The following MAP7D3 variants were observed in gnomAD, a reference collection of about 807,000 sequenced individuals.
The protein encoded by MAP7D3 is MAP7 domain containing 3, also known as MAP7 domain-containing protein 3.
MAP7D3 carries 45 observed loss-of-function variants against 62.2 expected under a neutral mutation model. That is an observed-to-expected ratio of 0.72 (90% CI 0.57 to 0.93). The LOEUF (loss-of-function observed/expected upper bound fraction) is 0.93. Ranked by LOEUF, MAP7D3 falls within the 40% of genes least tolerant of loss-of-function variation. The pLI is 0.00. For synonymous variants in MAP7D3, 288 were observed against 248.8 expected (o/e 1.16, Z -1.48); for missense variants, 711 against 683.1 (o/e 1.04, Z -0.45).
chrX:136,222,552 A>G, intron 14 of MAP7D3, 66 bp from the exon 15 acceptor site: 1 of 914,642 alleles, frequency 1.1e-6, no homozygotes, highest in Non-Finnish European at 1.6e-6. Flanking sequence ...GAATTTCAAC[A>G]AAGTCTGACT....
chrX:136,232,105 T>C lies in MAP7D3; in HGVS notation c.852A>G (p.Gln284=). The stretch of plus-strand genomic sequence containing the variant: ...CCAAGGGAGACTCTTCTACTTTTGT[T>C]TGAGGAGGTATTTTCATTGTCGACA... ...FPMSTMKIPP[Q]TKVEESPLEK... Residue 284 remains glutamine, a synonymous_variant, in exon 8 of 19, where the codon CAA becomes CAG. Coordinates refer to ENST00000316077, the MANE Select transcript of MAP7D3 (RefSeq NM_024597.4). 2 of 1,209,487 alleles carry C rather than the reference T, an allele frequency of 1.7e-6. No homozygotes were observed. Among genetic ancestry groups the C allele is most frequent in the Non-Finnish European group, 2.2e-6 (2 of 893,442 alleles).
chrX:136,234,030 G>C, intron 7 of MAP7D3, among the ~76,000 whole-genome samples: 1 of 110,883 alleles, frequency 9.0e-6, no homozygotes, highest in African/African-American at 3.3e-5. Context: ...ACATAATTGG[G>C]CATAAAAAAG....
upstream of MAP7D3, chrX:136,251,575 G>A: frequency 1.2e-6 from 1 of 818,987 alleles, no homozygotes; most frequent in Non-Finnish European, 1.5e-6. Context: ...GCGACTACCT[G>A]GTCTAAAGAA....
At chrX:136,245,656 A>C (rs1464149737) in intron 3 of MAP7D3, among the ~76,000 whole-genome samples, 1 of 110,402 alleles carries the variant, frequency 9.1e-6, no homozygotes, top group African/African-American at 3.3e-5. Context: ...CTGAGGCAGG[A>C]GAATGGCATG....
In MAP7D3 at chrX:136,251,344, G is replaced by A. The variant is rs1369021130; in HGVS notation, c.15C>T (p.Gly5=). 2.7e-6 allele frequency: 3 copies of A among 1,124,220 alleles called. No homozygotes were observed. Among genetic ancestry groups the A allele is most frequent in the Non-Finnish European group, 3.5e-6 (3 of 858,146 alleles). The allele number at this position is 1,124,220 out of a possible 1,213,427, so 92.6% of individuals were successfully genotyped here. The stretch of plus-strand genomic sequence containing the variant: ...GGCTGCCGCCAGCGCCAGCTGCGGC[G>A]CCGTCCGCCATCATCGGAGTCGGGA... The part of the protein sequence containing the change: MMAD[G]AAAGAGGSPS... Residue 5 remains glycine, a synonymous_variant, in exon 1 of 19, where the codon GGC becomes GGT. Transcript: ENST00000316077.
intron 15 of MAP7D3, 145 bp downstream of exon 15, chrX:136,222,248 G>C (rs2074137976): frequency 2.3e-6 from 1 of 428,706 alleles, no homozygotes; most frequent in Non-Finnish European, 4.0e-6. Context: ...ATCCACTCTA[G>C]GAAAAGGACA....
At chrX:136,249,754 G>A (rs1027693910) in intron 1 of MAP7D3, among the ~76,000 whole-genome samples, 2 of 111,842 alleles carry the variant, frequency 1.8e-5, no homozygotes, top group African/African-American at 6.5e-5. Context: ...GAGATCTAAA[G>A]GGCAGTTCTG....
Position 136,217,939 on chromosome X carries a change from C to A in MAP7D3, c.*587G>T, listed in dbSNP as rs754022029. The A allele has an allele frequency of 9.1e-6, 1 of 109,823 alleles. No homozygotes were observed. The highest frequency in any genetic ancestry group is 1.9e-5 in the Non-Finnish European group (1 of 52,637). The allele number at this position is 109,823 out of a possible 1,213,427, so 9.1% of individuals were successfully genotyped here. On this transcript the variant is annotated 3_prime_UTR_variant, in exon 19 of 19. Transcript: ENST00000316077. The stretch of plus-strand genomic sequence containing the variant: ...GTGTGGTGGCACATGCCTGTAATCC[C>A]AGCTACTGGGGAGGCTGAGACAGGA...
rs761745044 is a variant in MAP7D3, at chrX:136,219,584, C to G, written c.2565+9G>C. 2 of 1,193,770 alleles carry G rather than the reference C, an allele frequency of 1.7e-6. No individual in the cohort carries two copies. The highest frequency in any genetic ancestry group is 1.1e-6 in the Non-Finnish European group (1 of 879,132). Reference sequence around the variant, plus strand: ...CACAGATACGCTGCTGCTCATAATTCATACTAACAGAGGATCTGCTGGTGG... The same window carrying G: ...CACAGATACGCTGCTGCTCATAATTGATACTAACAGAGGATCTGCTGGTGG... On this transcript the variant is annotated intron_variant, in intron 17 of 18. Transcript: ENST00000316077.
At chrX:136,215,725 T>A (rs1409514720), downstream of MAP7D3, among the ~76,000 whole-genome samples, 4 of 112,035 alleles carry the variant, frequency 3.6e-5, no homozygotes, top group African/African-American at 6.5e-5. Context: ...AAGCATGACT[T>A]AAGATTGGAA....
downstream of MAP7D3, chrX:136,214,336 C>T (rs1444763502): frequency 9.0e-6 from 1 of 111,347 alleles, no homozygotes; most frequent in African/African-American, 3.3e-5. Context: ...CCAGGCCGGC[C>T]AGGCACTGGA....
In MAP7D3 at chrX:136,251,225, G is replaced by T. The variant is rs2074505241; in HGVS notation, c.70+64C>A. 2.6e-5 allele frequency: 25 copies of T among 968,934 alleles called. No individual in the cohort carries two copies. In the South Asian group the frequency reaches 5.4e-4, roughly 21 times the overall value. 79.9% of individuals were successfully genotyped at this position (968,934 alleles called of 1,213,427 possible). A position where few individuals can be genotyped will look rare whatever the true frequency, so the allele number is the denominator to read the frequency against. On this transcript the variant is annotated intron_variant, in intron 1 of 18. Coordinates refer to ENST00000316077, the MANE Select transcript of MAP7D3 (RefSeq NM_024597.4). ...CGCTGCGCCGCTCCGACGGCCCGGG[G>T]ACTGCGGGAACCCTGCCTCCCACGC...
upstream of MAP7D3, among the ~76,000 whole-genome samples, chrX:136,254,263 T>C (rs1402299068): frequency 9.2e-6 from 1 of 108,332 alleles, no homozygotes; most frequent in Non-Finnish European, 1.9e-5. Flanking sequence ...TTTTGTATTT[T>C]TAGTAGAGAC....
At chrX:136,250,640 A>C (rs2074494297) in intron 1 of MAP7D3, among the ~76,000 whole-genome samples, 1 of 111,936 alleles carries the variant, frequency 8.9e-6, no homozygotes, top group African/African-American at 3.2e-5. Flanking sequence ...CAACTTTTAA[A>C]GCAACTTTTA....
rs182722117 is a variant in MAP7D3 at position 136,232,085 on chromosome X, G to A, written c.872C>T (p.Pro291Leu). 2,924 of 1,208,826 alleles carry A rather than the reference G, an allele frequency of 2.4e-3. 7 individuals are homozygous for A. Among genetic ancestry groups the A allele is most frequent in the Non-Finnish European group, 2.9e-3 (2,581 of 894,051 alleles). Reference sequence around the variant, plus strand: ...GGGAGGTGTCTCTACTTTCTCCAAGGGAGACTCTTCTACTTTTGTTTGAGG... The same window carrying A: ...GGGAGGTGTCTCTACTTTCTCCAAGAGAGACTCTTCTACTTTTGTTTGAGG... ...IPPQTKVEES[P>L]LEKVETPPKA... The change falls in exon 8 of 19, where the codon CCC becomes CTC. Residue 291 changes from proline to leucine, a missense_variant. Pro to Leu is a moderately conservative substitution (Grantham distance 98). Coordinates refer to ENST00000316077, the MANE Select transcript of MAP7D3 (RefSeq NM_024597.4).
chrX:136,223,084 C>A (rs2074150320), intron 14 of MAP7D3, among the ~76,000 whole-genome samples: 1 of 111,411 alleles, frequency 9.0e-6, no homozygotes, highest in Non-Finnish European at 1.9e-5. Flanking sequence ...TCAAGAGATC[C>A]TCCTGCCTTG....
At chrX:136,233,130 G>C (rs2074290032) in intron 7 of MAP7D3, among the ~76,000 whole-genome samples, 1 of 110,664 alleles carries the variant, frequency 9.0e-6, no homozygotes. Context: ...GAAATATTTT[G>C]GACATAGAAG....
At chrX:136,219,302 T>C in intron 18 of MAP7D3, 96 bp downstream of exon 18, 1 of 484,877 alleles carries the variant, frequency 2.1e-6, no homozygotes, top group East Asian at 3.5e-5. Context: ...TCCAAAGCTA[T>C]ATGGTGCAAA....
At chrX:136,236,484 C>A in intron 6 of MAP7D3, 145 bp from the exon 7 acceptor site, 1 of 311,881 alleles carries the variant, frequency 3.2e-6, no homozygotes, top group Admixed American at 5.9e-5. Flanking sequence ...ATTCTATATC[C>A]CCAAGCTTAA....
Sources: allele counts gnomAD v4.1 joint callset (sites outside exome capture counted in the v4.1 genomes callset), GRCh38; gene constraint gnomAD v4.1.1; transcripts MANE v1.5; gene names NCBI Gene and HGNC (gene_info 2026-07-23, HGNC 2026-07-21).